ZFAND6: variants seen among roughly 807,000 people sequenced by gnomAD.
ZFAND6 encodes the protein zinc finger AN1-type containing 6, also known as AN1-type zinc finger protein 6.
Under a neutral mutation model 24.5 loss-of-function variants are expected in ZFAND6, and 12 were observed. The ratio of observed to expected loss-of-function variants is 0.49; its 90% CI spans 0.31 to 0.79. ZFAND6 has a LOEUF of 0.79. ZFAND6 is among the 30% of genes least tolerant of loss of function. The pLI is 0.04. For missense variants in ZFAND6, 207 were observed against 245.9 expected, an observed-to-expected ratio of 0.84 and a Z score of 1.06; for synonymous variants, 92 against 81.5, an observed-to-expected ratio of 1.13 and a Z score of -0.69.
chr15:80,099,128 C>T (rs939969), intron 2 of ZFAND6, among the ~76,000 whole-genome samples: 108,492 of 151,884 alleles, frequency 0.71, 39,052 homozygotes, highest in Admixed American at 0.81. Flanking sequence ...TTTTTAAATT[C>T]GCCAATTTTA....
chr15:80,120,529 T>C, intron 3 of ZFAND6, 31 bp downstream of exon 3: 1 of 1,453,300 alleles, frequency 6.9e-7, no homozygotes, highest in Non-Finnish European at 9.2e-7. Flanking sequence ...CCGTCTATAT[T>C]CATAATTGAA....
chr15:80,121,742 T>C lies in ZFAND6; in HGVS notation c.185T>C (p.Leu62Ser). ...TCTGTCAGTAGTCTGTCTGAATCTT[T>C]ACCAGTTCAATGCACAGATGGCAGT... The part of the protein sequence containing the change: ...ATSVSSLSES[L>S]PVQCTDGSVP... Residue 62 changes from leucine to serine, a missense_variant, in exon 4 of 7, where the codon TTA (leucine) becomes TCA (serine). By Grantham distance (145) the Leu-to-Ser change is moderately radical. Coordinates refer to ENST00000261749, the MANE Select transcript of ZFAND6 (RefSeq NM_019006.4). 1 of 1,613,940 alleles carries C rather than the reference T, an allele frequency of 6.2e-7. No homozygotes were observed. The highest frequency in any genetic ancestry group is 2.2e-5 in the East Asian group (1 of 44,870).
intron 1 of ZFAND6, among the ~76,000 whole-genome samples, chr15:80,084,299 C>T (rs1413908256): frequency 1.3e-5 from 2 of 152,126 alleles, no homozygotes; most frequent in Non-Finnish European, 2.9e-5. Flanking sequence ...AGTGCAGACA[C>T]GATGCTGAAA....
chr15:80,078,603 A>C (rs1454084240), intron 1 of ZFAND6, among the ~76,000 whole-genome samples: 1 of 152,204 alleles, frequency 6.6e-6, no homozygotes, highest in Non-Finnish European at 1.5e-5. Context: ...GTCTAATGGT[A>C]GTTGTGTTTT....
intron 4 of ZFAND6, among the ~76,000 whole-genome samples, 185 bp downstream of exon 4, chr15:80,122,005 A>G (rs2040168541): frequency 6.6e-6 from 1 of 152,180 alleles, no homozygotes; most frequent in South Asian, 2.1e-4. Context: ...ATCGGGGGTT[A>G]TCGTTTAAGT....
chr15:80,121,710 A>C lies in ZFAND6; in HGVS notation c.155-2A>C. Reference sequence around the variant, plus strand: ...CTAATACGCAATGTGGTACTGTTACAGCAACCTCTGTCAGTAGTCTGTCTG... The same window carrying C: ...CTAATACGCAATGTGGTACTGTTACCGCAACCTCTGTCAGTAGTCTGTCTG... On this transcript the variant is annotated splice_acceptor_variant, in intron 3 of 6. Transcript: ENST00000261749. LOFTEE classifies it high-confidence loss of function. 1 of 1,613,568 alleles carries C rather than the reference A, an allele frequency of 6.2e-7. No homozygotes were observed. The highest frequency in any genetic ancestry group is 8.5e-7 in the Non-Finnish European group (1 of 1,179,634).
chr15:80,128,293 A>G (rs535523887), intron 5 of ZFAND6, among the ~76,000 whole-genome samples: 2 of 152,352 alleles, frequency 1.3e-5, no homozygotes, highest in African/African-American at 2.4e-5. Context: ...ACTGAATTGT[A>G]TACTTTAAAG....
chr15:80,085,507 C>A (rs2037937858), intron 1 of ZFAND6, among the ~76,000 whole-genome samples: 1 of 152,116 alleles, frequency 6.6e-6, no homozygotes, highest in South Asian at 2.1e-4. Flanking sequence ...TAAAACAGTT[C>A]CACTTCTGAA....
chr15:80,080,766 C>A (rs1161531918), intron 1 of ZFAND6, among the ~76,000 whole-genome samples: 1 of 152,218 alleles, frequency 6.6e-6, no homozygotes, highest in Non-Finnish European at 1.5e-5. Context: ...AGGAAGCTTA[C>A]AATCACTGCG....
intron 2 of ZFAND6, among the ~76,000 whole-genome samples, chr15:80,103,253 A>G (rs1001664421): frequency 6.6e-6 from 1 of 152,246 alleles, no homozygotes; most frequent in African/African-American, 2.4e-5. Flanking sequence ...GTGAGGCCTA[A>G]GTCAGATAAT....
Position 80,137,722 on chromosome 15 carries a change from T to G in ZFAND6, c.*94T>G. ...TAGTCATTGGGAATGTAGAGCAGTG[T>G]ATCTTGCATGTCATCGGAAGAATAG... On this transcript the variant is annotated 3_prime_UTR_variant, in exon 7 of 7. Transcript: ENST00000261749. The G allele has an allele frequency of 7.8e-7, 1 of 1,275,498 alleles. No individual in the cohort carries two copies. Among genetic ancestry groups the G allele is most frequent in the Non-Finnish European group, 1.0e-6 (1 of 960,542 alleles). 79.0% of individuals were successfully genotyped at this position (1,275,498 alleles called of 1,614,324 possible). A position where few individuals can be genotyped will look rare whatever the true frequency, so the allele number is the denominator to read the frequency against.
At chr15:80,065,690 G>A (rs2036594050) in intron 1 of ZFAND6, among the ~76,000 whole-genome samples, 1 of 151,428 alleles carries the variant, frequency 6.6e-6, no homozygotes, top group Admixed American at 6.6e-5. Flanking sequence ...GATTACAGGG[G>A]TGTGCCACCA....
intron 2 of ZFAND6, among the ~76,000 whole-genome samples, chr15:80,106,647 A>G (rs751184224): frequency 2.0e-5 from 3 of 146,854 alleles, no homozygotes; most frequent in Non-Finnish European, 4.5e-5. Flanking sequence ...TTATTTGCTC[A>G]TTATGCATAT....
intron 5 of ZFAND6, among the ~76,000 whole-genome samples, chr15:80,125,678 C>T (rs1226740124): frequency 6.6e-6 from 1 of 152,206 alleles, no homozygotes; most frequent in African/African-American, 2.4e-5. Context: ...CAAATGCTAG[C>T]TTTTAAAAGA....
At chr15:80,071,073 A>G (rs1259190605) in intron 1 of ZFAND6, among the ~76,000 whole-genome samples, 1 of 152,204 alleles carries the variant, frequency 6.6e-6, no homozygotes, top group Non-Finnish European at 1.5e-5. Context: ...TAAAGGGCAT[A>G]ATAGATTATG....
intron 2 of ZFAND6, among the ~76,000 whole-genome samples, chr15:80,105,018 C>A (rs376698559): frequency 6.6e-6 from 1 of 152,122 alleles, no homozygotes; most frequent in East Asian, 1.9e-4. Flanking sequence ...TTCCCTGTTG[C>A]TTGTGGGTTT....
chr15:80,093,878 A>G (rs1360077924), intron 1 of ZFAND6, among the ~76,000 whole-genome samples: 2 of 152,012 alleles, frequency 1.3e-5, no homozygotes, highest in African/African-American at 2.4e-5. Flanking sequence ...GGAAGGGTGC[A>G]GTAGAATAAT....
At chr15:80,076,103 TTTTG>T (rs1243161535) in intron 1 of ZFAND6, among the ~76,000 whole-genome samples, 3 of 152,192 alleles carry the variant, frequency 2.0e-5, no homozygotes, top group Non-Finnish European at 4.4e-5. Flanking sequence ...GTTCGTAGCA[TTTTG>T]TTCTTAACTC....
intron 1 of ZFAND6, among the ~76,000 whole-genome samples, chr15:80,076,107 G>A (rs562817947): frequency 3.3e-5 from 5 of 152,160 alleles, no homozygotes; most frequent in Admixed American, 2.0e-4. Flanking sequence ...GTAGCATTTT[G>A]TTCTTAACTC....
Sources: allele counts gnomAD v4.1 joint callset (sites outside exome capture counted in the v4.1 genomes callset), GRCh38; gene constraint gnomAD v4.1.1; transcripts MANE v1.5; gene names NCBI Gene and HGNC (gene_info 2026-07-23, HGNC 2026-07-21).